MECOM: variants seen among roughly 807,000 people sequenced by gnomAD.
MECOM encodes MDS1 and EVI1 complex locus.
A neutral mutation model predicts 116.3 loss-of-function variants in MECOM; 13 were observed. The ratio of observed to expected loss-of-function variants is 0.11; its 90% CI spans 0.07 to 0.18. The LOEUF is 0.18. Ranked by LOEUF, MECOM falls within the 10% of genes least tolerant of loss-of-function variation. MECOM has a pLI of 1.00. For missense variants in MECOM, 1,299 were observed against 1,509.0 expected, an observed-to-expected ratio of 0.86 and a Z score of 2.31; for synonymous variants, 528 against 535.2, an observed-to-expected ratio of 0.99 and a Z score of 0.19.
chr3:169,181,593 A>G (rs1158704442), intron 2 of MECOM, among the ~76,000 whole-genome samples: 1 of 152,194 alleles, frequency 6.6e-6, no homozygotes, highest in Non-Finnish European at 1.5e-5. Flanking sequence ...CAAACTTTAA[A>G]TGATACCATT....
chr3:169,292,046 G>C (rs1338424357), intron 2 of MECOM, among the ~76,000 whole-genome samples: 1 of 152,150 alleles, frequency 6.6e-6, no homozygotes, highest in East Asian at 1.9e-4. Flanking sequence ...AACTAGTTTG[G>C]CGTTTTGTAT....
At chr3:169,440,303 A>C (rs1447545798) in intron 1 of MECOM, among the ~76,000 whole-genome samples, 2 of 152,176 alleles carry the variant, frequency 1.3e-5, no homozygotes, top group African/African-American at 4.8e-5. Context: ...ACAGCTCACA[A>C]TCCTGTTTGG....
At chr3:169,457,138 C>T (rs1746658987) in intron 1 of MECOM, among the ~76,000 whole-genome samples, 1 of 152,194 alleles carries the variant, frequency 6.6e-6, no homozygotes. Flanking sequence ...CTAAAACCAG[C>T]TCCCCTGCTG....
chr3:169,642,154 A>T (rs1329092451), intron 1 of MECOM, among the ~76,000 whole-genome samples: 1 of 152,230 alleles, frequency 6.6e-6, no homozygotes, highest in Non-Finnish European at 1.5e-5. Context: ...TTCAGCAAAG[A>T]ATCTAACAAA....
At chr3:169,532,752 G>A (rs1248666580) in intron 1 of MECOM, among the ~76,000 whole-genome samples, 5 of 144,850 alleles carry the variant, frequency 3.5e-5, no homozygotes, top group Admixed American at 6.8e-5. Flanking sequence ...TTCCCCACCC[G>A]GCCCTACCCC....
chr3:169,309,261 T>C (rs1014483238), intron 2 of MECOM, among the ~76,000 whole-genome samples: 6 of 152,300 alleles, frequency 3.9e-5, no homozygotes, highest in African/African-American at 1.4e-4. Context: ...CTATGACATA[T>C]GCAAGTTTAA....
chr3:169,117,100 A>G (rs1042699135), intron 7 of MECOM, among the ~76,000 whole-genome samples: 7 of 152,180 alleles, frequency 4.6e-5, no homozygotes, highest in Non-Finnish European at 1.0e-4. Context: ...GTTGAAAATT[A>G]GTCTTAAAAT....
chr3:169,505,120 A>C (rs1304361418), intron 1 of MECOM, among the ~76,000 whole-genome samples: 1 of 152,136 alleles, frequency 6.6e-6, no homozygotes, highest in Non-Finnish European at 1.5e-5. Context: ...AAAATGTCCA[A>C]CTTCCTCTAT....
chr3:169,232,898 T>C (rs1753578538), intron 2 of MECOM, among the ~76,000 whole-genome samples: 1 of 152,092 alleles, frequency 6.6e-6, no homozygotes, highest in Non-Finnish European at 1.5e-5. Context: ...TTTTCATGTA[T>C]ATTTACTTGA....
At chr3:169,445,071 A>G (rs1258540100) in intron 1 of MECOM, among the ~76,000 whole-genome samples, 2 of 152,234 alleles carry the variant, frequency 1.3e-5, no homozygotes, top group African/African-American at 4.8e-5. Context: ...TTTAAAAGGT[A>G]AACAGAGCAT....
intron 2 of MECOM, among the ~76,000 whole-genome samples, chr3:169,206,308 T>C (rs1749907935): frequency 1.3e-5 from 2 of 152,142 alleles, no homozygotes; most frequent in South Asian, 4.1e-4. Flanking sequence ...ATCACAGTCA[T>C]TGGCAATTAT....
chr3:169,133,590 A>T (rs1735437221), intron 3 of MECOM: 1 of 185,014 alleles, frequency 5.4e-6, no homozygotes, highest in South Asian at 1.2e-4. Context: ...ATATAACCTA[A>T]GATTCTTTGT....
intron 2 of MECOM, among the ~76,000 whole-genome samples, chr3:169,179,754 T>C (rs540422842): frequency 6.6e-6 from 1 of 152,206 alleles, no homozygotes; most frequent in Admixed American, 6.5e-5. Flanking sequence ...ACCTTGCTTC[T>C]TTTTTCCTCA....
chr3:169,638,597 A>G (rs543833841), intron 1 of MECOM, among the ~76,000 whole-genome samples: 1 of 152,260 alleles, frequency 6.6e-6, no homozygotes, highest in South Asian at 2.1e-4. Context: ...TTTTGATCTT[A>G]TTGGTCAGTC....
chr3:169,165,332 A>G (rs1197542481), intron 2 of MECOM, among the ~76,000 whole-genome samples: 1 of 152,208 alleles, frequency 6.6e-6, no homozygotes, highest in Non-Finnish European at 1.5e-5. Context: ...TTTCAGTGAC[A>G]AAAGGAGATG....
chr3:169,525,196 G>A (rs1274912769), intron 1 of MECOM, among the ~76,000 whole-genome samples: 3 of 152,164 alleles, frequency 2.0e-5, no homozygotes, highest in Non-Finnish European at 4.4e-5. Context: ...AAAACTGCCT[G>A]TGAAGAATAT....
chr3:169,618,266 G>A lies in MECOM; in HGVS notation c.37+45070C>T, dbSNP rs9812551. Among the ~76,000 whole-genome samples the A allele has an allele frequency of 9.9e-3, 1,508 of 152,184 alleles. 23 individuals are homozygous for A. The highest frequency in any genetic ancestry group is 0.035 in the African/African-American group (1,448 of 41,514). On this transcript the variant is annotated intron_variant, in intron 1 of 16. Transcript: ENST00000651503. ...GTTTGAACCACACACACTTCCTTTC[G>A]TTTACTCCCACTAGCCCTTCATATC...
At chr3:169,372,298 T>C (rs965914742) in intron 2 of MECOM, among the ~76,000 whole-genome samples, 2 of 152,118 alleles carry the variant, frequency 1.3e-5, no homozygotes, top group South Asian at 2.1e-4. Context: ...AACTGACTTA[T>C]ACTTGCAGAG....
chr3:169,438,827 T>G (rs929432712), intron 1 of MECOM, among the ~76,000 whole-genome samples: 2 of 152,198 alleles, frequency 1.3e-5, no homozygotes, highest in African/African-American at 4.8e-5. Context: ...AACTTTTTAT[T>G]AATCTTCTGT....
Sources: allele counts gnomAD v4.1 joint callset (sites outside exome capture counted in the v4.1 genomes callset), GRCh38; gene constraint gnomAD v4.1.1; transcripts MANE v1.5; gene names NCBI Gene and HGNC (gene_info 2026-07-23, HGNC 2026-07-21).